Variants in SORCS2 observed in about 807,000 individuals in gnomAD.
SORCS2 encodes VPS10 domain-containing receptor SorCS2.
In SORCS2, 100 loss-of-function variants were observed where a neutral mutation model predicts 141.6. The ratio of observed to expected loss-of-function variants is 0.71; its 90% CI spans 0.60 to 0.83. SORCS2 has a LOEUF of 0.83. Ranked by LOEUF, SORCS2 falls within the 40% of genes least tolerant of loss-of-function variation. SORCS2 has a pLI of 0.00. For missense variants in SORCS2, 1,646 were observed against 1,560.2 expected, an observed-to-expected ratio of 1.05 and a Z score of -0.93; for synonymous variants, 789 against 676.9, an observed-to-expected ratio of 1.17 and a Z score of -2.57.
chr4:7,270,856 G>C (rs1341675282), intron 1 of SORCS2, among the ~76,000 whole-genome samples: 1 of 152,222 alleles, frequency 6.6e-6, no homozygotes, highest in East Asian at 1.9e-4. Flanking sequence ...GAAGTTCCTG[G>C]TTAGAAACCC....
chr4:7,322,420 C>T (rs749593216), intron 1 of SORCS2, among the ~76,000 whole-genome samples: 7 of 152,218 alleles, frequency 4.6e-5, no homozygotes, highest in African/African-American at 9.6e-5. Context: ...CTCACTTTCC[C>T]GGGGCCTCAT....
chr4:7,338,819 T>A (rs1720186576), intron 1 of SORCS2, among the ~76,000 whole-genome samples: 1 of 152,252 alleles, frequency 6.6e-6, no homozygotes, highest in African/African-American at 2.4e-5. Flanking sequence ...TTATAATTCC[T>A]CTGGCCCAGA....
intron 2 of SORCS2, chr4:7,431,560 G>A (rs1263935971): frequency 1.3e-5 from 2 of 152,426 alleles, no homozygotes; most frequent in Non-Finnish European, 2.9e-5. Flanking sequence ...TGCTCCTGGA[G>A]AGGGTGGGTG....
At chr4:7,204,876 G>A (rs1360212325) in intron 1 of SORCS2, among the ~76,000 whole-genome samples, 18 of 152,324 alleles carry the variant, frequency 1.2e-4, no homozygotes, top group Middle Eastern at 3.4e-3. Flanking sequence ...GACCATTCCC[G>A]GAGGCATTGC....
At chr4:7,314,784 G>A (rs552554820) in intron 1 of SORCS2, among the ~76,000 whole-genome samples, 199 of 149,716 alleles carry the variant, frequency 1.3e-3, no homozygotes, top group African/African-American at 4.8e-3. Context: ...GCTCCCAGGA[G>A]CCTGCCCACT....
chr4:7,337,722 T>A (rs1399424441), intron 1 of SORCS2, among the ~76,000 whole-genome samples: 1 of 152,156 alleles, frequency 6.6e-6, no homozygotes, highest in Non-Finnish European at 1.5e-5. Context: ...AGACAAGGAA[T>A]CCCAGCCGCC....
At chr4:7,365,726 C>T (rs1721842483) in intron 1 of SORCS2, among the ~76,000 whole-genome samples, 1 of 152,180 alleles carries the variant, frequency 6.6e-6, no homozygotes, top group African/African-American at 2.4e-5. Flanking sequence ...CCTGGCACAC[C>T]TGCAATTTAT....
At chr4:7,326,663 A>G (rs1320401701) in intron 1 of SORCS2, among the ~76,000 whole-genome samples, 1 of 152,244 alleles carries the variant, frequency 6.6e-6, no homozygotes, top group Non-Finnish European at 1.5e-5. Flanking sequence ...TACACACCAC[A>G]GTGATGACAG....
intron 14 of SORCS2, among the ~76,000 whole-genome samples, chr4:7,708,598 C>T (rs1240029261): frequency 1.3e-5 from 2 of 152,236 alleles, no homozygotes; most frequent in Non-Finnish European, 2.9e-5. Context: ...TGGGGGGCGT[C>T]TTCCCCTTCC....
chr4:7,238,793 G>C (rs934408094), intron 1 of SORCS2, among the ~76,000 whole-genome samples: 2 of 152,192 alleles, frequency 1.3e-5, no homozygotes, highest in East Asian at 3.8e-4. Flanking sequence ...GCTGACCCCT[G>C]TCCGCCAGCT....
At chr4:7,244,371 C>T (rs1487279103) in intron 1 of SORCS2, among the ~76,000 whole-genome samples, 2 of 152,256 alleles carry the variant, frequency 1.3e-5, no homozygotes, top group Non-Finnish European at 2.9e-5. Flanking sequence ...GCCTCCTATT[C>T]CCCGCAGATG....
chr4:7,603,616 T>G (rs568423858), intron 3 of SORCS2, among the ~76,000 whole-genome samples: 2 of 152,376 alleles, frequency 1.3e-5, no homozygotes, highest in East Asian at 3.9e-4. Flanking sequence ...GTGAACATCA[T>G]TATCTGATAA....
chr4:7,383,836 T>C (rs1185605067), intron 1 of SORCS2, among the ~76,000 whole-genome samples: 1 of 152,142 alleles, frequency 6.6e-6, no homozygotes, highest in African/African-American at 2.4e-5. Flanking sequence ...TCAATCAGGT[T>C]ATGAGAAATG....
chr4:7,339,318 AAGG>A (rs1312959567), intron 1 of SORCS2, among the ~76,000 whole-genome samples: 2 of 152,232 alleles, frequency 1.3e-5, no homozygotes, highest in Non-Finnish European at 2.9e-5. Flanking sequence ...TGTGCACAGG[AAGG>A]AGGACTCCTG....
chr4:7,262,640 G>A (rs1454941849), intron 1 of SORCS2, among the ~76,000 whole-genome samples: 1 of 152,222 alleles, frequency 6.6e-6, no homozygotes, highest in Non-Finnish European at 1.5e-5. Context: ...AGCTGACTGG[G>A]GCACTTTGGT....
At chr4:7,725,000 T>G (rs1470911278) in intron 19 of SORCS2, among the ~76,000 whole-genome samples, 154 bp from the exon 20 acceptor site, 1 of 145,396 alleles carries the variant, frequency 6.9e-6, no homozygotes, top group Admixed American at 6.8e-5. Flanking sequence ...GTGGTAGTAG[T>G]GGTGATGGTG....
In SORCS2 at chr4:7,605,854, C is replaced by T. The variant is rs1718024398; in HGVS notation, c.649-32474C>T. ...TTACAGAGACCCACCCCAGCAGAGG[C>T]TGCAGCCAGTGGGTGGTGAGCAGAG... On this transcript the variant is annotated intron_variant, in intron 3 of 26. Coordinates refer to ENST00000507866, the MANE Select transcript of SORCS2 (RefSeq NM_020777.3). 2.0e-5 allele frequency among the ~76,000 whole-genome samples: 3 copies of T among 152,134 alleles called. No homozygotes were observed. The South Asian group carries it at 6.2e-4, about 32-fold the overall frequency.
intron 3 of SORCS2, among the ~76,000 whole-genome samples, chr4:7,630,656 C>T (rs149395665): frequency 6.6e-6 from 1 of 152,174 alleles, no homozygotes; most frequent in Non-Finnish European, 1.5e-5. Context: ...ACAGGGGAAG[C>T]GCCGGGTGGA....
At chr4:7,279,612 T>C (rs1159619714) in intron 1 of SORCS2, among the ~76,000 whole-genome samples, 1 of 152,228 alleles carries the variant, frequency 6.6e-6, no homozygotes. Flanking sequence ...CTTCCCTGCA[T>C]TATCAAGGCA....
Sources: gnomAD v4.1 joint callset for allele counts (sites outside exome capture counted in the v4.1 genomes callset) on GRCh38, gnomAD v4.1.1 for gene constraint, MANE v1.5 for transcripts, NCBI Gene and HGNC (gene_info 2026-07-23, HGNC 2026-07-21) for gene names.